Variants in MDH1 observed in about 807,000 individuals in gnomAD.
MDH1 encodes malate dehydrogenase 1, also known as malate dehydrogenase, cytoplasmic.
A neutral mutation model predicts 38.7 loss-of-function variants in MDH1; 15 were observed. The ratio of observed to expected loss-of-function variants is 0.39; its 90% CI spans 0.26 to 0.60. The LOEUF is 0.60. MDH1 is among the 20% of genes least tolerant of loss of function. MDH1 has a pLI of 0.56. For synonymous variants in MDH1, 144 were observed against 143.6 expected, an observed-to-expected ratio of 1.00 and a Z score of -0.02; for missense variants, 368 against 405.2, an observed-to-expected ratio of 0.91 and a Z score of 0.79.
At chr2:63,598,821 G>A (rs556705869) in intron 4 of MDH1, among the ~76,000 whole-genome samples, 14 of 150,084 alleles carry the variant, frequency 9.3e-5, no homozygotes, top group East Asian at 3.9e-4. Context: ...GTCCTTGTTC[G>A]TGAGAAATAT....
intron 7 of MDH1, chr2:63,605,712 G>A: frequency 1.7e-6 from 1 of 595,228 alleles, no homozygotes; most frequent in Non-Finnish European, 3.0e-6. Context: ...TCTGTAAAAT[G>A]AGGATTAGGT....
In MDH1 at chr2:63,604,848, C is replaced by T; in HGVS notation, c.651C>T (p.Ser217=). 6.2e-7 allele frequency: 1 copy of T among 1,614,156 alleles called. No individual in the cohort carries two copies. Among genetic ancestry groups the T allele is most frequent in the Non-Finnish European group, 8.5e-7 (1 of 1,180,026 alleles). ...TTTATGAAGCTCTGAAAGATGACAG[C>T]TGGCTCAAGGGAGAATTTGTCACGG... ...VGVYEALKDD[S]WLKGEFVTTV... Residue 217 remains serine (S), a synonymous_variant, in exon 6 of 9, where the codon AGC becomes AGT. Transcript: ENST00000233114.
chr2:63,604,822 G>A lies in MDH1; in HGVS notation c.625G>A (p.Val209Ile), dbSNP rs1332033395. ...GAAATTGCAAGGAAAGGAAGTTGGT[G>A]TTTATGAAGCTCTGAAAGATGACAG... is the stretch of plus-strand genomic sequence containing the variant. ...KVKLQGKEVG[V>I]YEALKDDSWL... The change falls in exon 6 of 9, where the codon GTT becomes ATT. Residue 209 changes from valine (V) to isoleucine (I), a missense_variant. Coordinates refer to ENST00000233114, the MANE Select transcript of MDH1 (RefSeq NM_005917.4). 6 of 1,614,090 alleles carry A rather than the reference G, an allele frequency of 3.7e-6. No individual in the cohort carries two copies. In the East Asian group the frequency reaches 1.3e-4, roughly 36 times the overall value.
At chr2:63,599,967 G>A (rs1348199892) in intron 5 of MDH1, 1 of 152,210 alleles carries the variant, frequency 6.6e-6, no homozygotes, top group Non-Finnish European at 1.5e-5. Flanking sequence ...GATCTAACTG[G>A]TCCTGGTGCC....
chr2:63,594,176 A>C (rs1575720579), intron 1 of MDH1: 12 of 499,244 alleles, frequency 2.4e-5, no homozygotes, highest in Non-Finnish European at 4.0e-6. Flanking sequence ...AGTGGCTGCC[A>C]GGGTTTGGAT....
intron 1 of MDH1, among the ~76,000 whole-genome samples, chr2:63,589,745 G>A (rs1332633789): frequency 6.6e-6 from 1 of 152,140 alleles, no homozygotes; most frequent in Non-Finnish European, 1.5e-5. Flanking sequence ...GAAGACCTGG[G>A]TAACCTGCAT....
At chr2:63,599,416 T>C in intron 5 of MDH1, 124 bp downstream of exon 5, 1 of 918,364 alleles carries the variant, frequency 1.1e-6, no homozygotes, top group Non-Finnish European at 1.5e-6. Flanking sequence ...AACCTATTAC[T>C]TTTATTAAAT....
At chr2:63,602,345 GGGT>G (rs1709435574) in intron 5 of MDH1, among the ~76,000 whole-genome samples, 1 of 87,616 alleles carries the variant, frequency 1.1e-5, no homozygotes, top group East Asian at 4.5e-4. Flanking sequence ...TGGTTGGTTG[GGGT>G]TTTTTTTTTT....
intron 7 of MDH1, chr2:63,605,694 C>T (rs764224042): frequency 2.5e-5 from 15 of 590,896 alleles, no homozygotes; most frequent in Non-Finnish European, 4.2e-5. Context: ...TATGCCACAG[C>T]TTCCTCATCT....
intron 1 of MDH1, among the ~76,000 whole-genome samples, chr2:63,592,557 G>A (rs1170561156): frequency 8.5e-5 from 13 of 152,150 alleles, no homozygotes; most frequent in Admixed American, 8.5e-4. Flanking sequence ...TGTAGCCCAG[G>A]CTGGTCTCGA....
intron 4 of MDH1, among the ~76,000 whole-genome samples, 161 bp from the exon 5 acceptor site, chr2:63,599,009 T>G (rs1709370894): frequency 6.6e-6 from 1 of 152,232 alleles, no homozygotes; most frequent in Non-Finnish European, 1.5e-5. Flanking sequence ...TAAAAGATTT[T>G]TATAACTTAA....
intron 5 of MDH1, among the ~76,000 whole-genome samples, chr2:63,601,043 C>T (rs1298573504): frequency 6.6e-6 from 1 of 152,216 alleles, no homozygotes; most frequent in African/African-American, 2.4e-5. Flanking sequence ...AAACAGTTCT[C>T]ACTGCAGGGC....
chr2:63,591,180 C>G (rs1446569), intron 1 of MDH1, among the ~76,000 whole-genome samples: 122,264 of 152,196 alleles, frequency 0.8, 49,767 homozygotes, highest in East Asian at 0.98. Context: ...GACCTTGGCA[C>G]ACTGCCCAGA....
intron 1 of MDH1, chr2:63,593,176 C>T (rs1709233292): frequency 6.2e-6 from 1 of 162,182 alleles, no homozygotes; most frequent in African/African-American, 2.4e-5. Flanking sequence ...TCTCCACTCA[C>T]TCAACCTCTG....
At chr2:63,606,649 A>G (rs1329951496) in intron 8 of MDH1, among the ~76,000 whole-genome samples, 2 of 151,318 alleles carry the variant, frequency 1.3e-5, no homozygotes, top group Non-Finnish European at 2.9e-5. Context: ...AAAGTCAGTC[A>G]TTTTTGAAGT....
Position 63,604,749 on chromosome 2 carries a change from G to A in MDH1, c.552G>A (p.Trp184Ter). The A allele has an allele frequency of 1.2e-6, 2 of 1,614,042 alleles. No homozygotes were observed. Among genetic ancestry groups the A allele is most frequent in the Non-Finnish European group, 1.7e-6 (2 of 1,179,974 alleles). ...TANDVKNVIIWGNHSSTQYPD... is the reference protein window; with the variant it reads ...TANDVKNVII ...ATGATGTAAAGAATGTCATTATCTG[G>A]GGAAACCATTCCTCGACTCAGTATC... The change falls in exon 6 of 9, where the codon TGG becomes TGA. Residue 184 changes from tryptophan to a stop codon, truncating the protein, a stop_gained. Transcript: ENST00000233114. LOFTEE classifies it high-confidence loss of function.
rs1802753 is a variant in MDH1 at position 63,607,036 on chromosome 2, C to T, written c.*49C>T. The T allele has an allele frequency of 3.9e-6, 6 of 1,547,258 alleles. No homozygotes were observed. Among genetic ancestry groups the T allele is most frequent in the South Asian group, 1.2e-5 (1 of 81,924 alleles). On this transcript the variant is annotated 3_prime_UTR_variant, in exon 9 of 9. Transcript: ENST00000233114. ...CTTCAAAGCTGAAGAATCTAAATGT[C>T]GTCTTTGACTCAAGTACCAAATAAT...
At chr2:63,599,342 T>C (rs951879805) in intron 5 of MDH1, 50 bp downstream of exon 5, 1 of 1,558,252 alleles carries the variant, frequency 6.4e-7, no homozygotes, top group Admixed American at 1.8e-5. Context: ...TTAAAACATT[T>C]TTCTCTCACT....
chr2:63,595,297 A>C, intron 2 of MDH1, 126 bp from the exon 3 acceptor site: 2 of 714,302 alleles, frequency 2.8e-6, no homozygotes, highest in Non-Finnish European at 5.1e-6. Context: ...CTCCTAAAAT[A>C]ATCATCATGA....
Sources: gnomAD v4.1 joint callset for allele counts (sites outside exome capture counted in the v4.1 genomes callset) on GRCh38, gnomAD v4.1.1 for gene constraint, MANE v1.5 for transcripts, NCBI Gene and HGNC (gene_info 2026-07-23, HGNC 2026-07-21) for gene names.